Variants in RGS6 observed in about 807,000 individuals in gnomAD.
The protein encoded by RGS6 is regulator of G protein signaling 6, also known as regulator of G-protein signaling 6.
RGS6 carries 30 observed loss-of-function variants against 78.5 expected under a neutral mutation model. The observed-to-expected ratio is 0.38, with a 90% CI of 0.29 to 0.52. RGS6 has a LOEUF of 0.52. Ranked by LOEUF, RGS6 falls within the 20% of genes least tolerant of loss-of-function variation. The pLI, the probability that RGS6 is intolerant of heterozygous loss-of-function variation, is 0.85. For synonymous variants in RGS6, 206 were observed against 206.0 expected (o/e 1.00, Z 0.00); for missense variants, 495 against 609.7 (o/e 0.81, Z 1.98).
chr14:72,033,461 C>T (rs991768033), intron 2 of RGS6, among the ~76,000 whole-genome samples: 1 of 152,028 alleles, frequency 6.6e-6, no homozygotes, highest in African/African-American at 2.4e-5. Flanking sequence ...TCTGGAACTC[C>T]TGGGCTCAAG....
At position 72,345,508 on chromosome 14, in the gene RGS6, A is replaced by G. The variant is rs1472050609; in HGVS notation, c.85-6587A>G. ...ATTGAAATTGCAGCCTTTGAATGGG[A>G]TGATAAAAGAGGGTTGGAAAGAAGA... On this transcript the variant is annotated intron_variant, in intron 2 of 17. Transcript: ENST00000553525. 3.9e-5 allele frequency among the ~76,000 whole-genome samples: 6 copies of G among 152,166 alleles called. No individual in the cohort carries two copies. In the East Asian group the frequency reaches 9.6e-4, roughly 24 times the overall value.
At chr14:72,621,073 G>A in the RGS6 span, among the ~76,000 whole-genome samples, 1 of 151,796 alleles carries the variant, frequency 6.6e-6, no homozygotes, top group South Asian at 2.1e-4. Flanking sequence ...CCCGGGAGGT[G>A]GAGGTTGCAG....
the RGS6 span, among the ~76,000 whole-genome samples, chr14:71,911,086 T>C: frequency 6.6e-6 from 1 of 152,230 alleles, no homozygotes; most frequent in Admixed American, 6.5e-5. Flanking sequence ...TATTTATGTT[T>C]ACAGGGAAGT....
chr14:72,541,706 A>T (rs988314807), intron 17 of RGS6: 1 of 1,408,406 alleles, frequency 7.1e-7, no homozygotes, highest in African/African-American at 1.4e-5. Context: ...TTTGCTGACA[A>T]GCCAAGGGTG....
At chr14:72,430,664 CT>C (rs1457027507) in intron 3 of RGS6, among the ~76,000 whole-genome samples, 1 of 152,162 alleles carries the variant, frequency 6.6e-6, no homozygotes, top group Non-Finnish European at 1.5e-5. Flanking sequence ...CACCTGCAGG[CT>C]TTTGGGTTTT....
At chr14:72,494,617 CTATT>C (rs1223684326) in intron 12 of RGS6, among the ~76,000 whole-genome samples, 5 of 152,026 alleles carry the variant, frequency 3.3e-5, no homozygotes, top group African/African-American at 1.2e-4. Context: ...ATCAACATAT[CTATT>C]AGATCATAAT....
At chr14:71,967,013 G>GA (rs563391517) in intron 2 of RGS6, among the ~76,000 whole-genome samples, 1 of 150,564 alleles carries the variant, frequency 6.6e-6, no homozygotes, top group Non-Finnish European at 1.5e-5. Flanking sequence ...ATGTTTACAG[G>GA]AAAAAAAAAC....
chr14:72,227,045 A>G (rs1434920729), intron 2 of RGS6, among the ~76,000 whole-genome samples: 1 of 152,198 alleles, frequency 6.6e-6, no homozygotes, highest in African/African-American at 2.4e-5. Flanking sequence ...ACATTCATCT[A>G]CTTCTCTCCA....
intron 3 of RGS6, among the ~76,000 whole-genome samples, chr14:72,417,551 T>C (rs1025827754): frequency 2.0e-5 from 3 of 152,192 alleles, no homozygotes; most frequent in African/African-American, 7.2e-5. Context: ...TCTGGCACTC[T>C]CTATTGACAG....
At chr14:72,321,834 A>C (rs952545583) in intron 2 of RGS6, among the ~76,000 whole-genome samples, 2 of 152,000 alleles carry the variant, frequency 1.3e-5, no homozygotes. Context: ...ATATCAATCT[A>C]TCCCTGAAAA....
chr14:72,232,568 G>A (rs576527107), intron 2 of RGS6, among the ~76,000 whole-genome samples: 6 of 152,156 alleles, frequency 3.9e-5, no homozygotes, highest in Non-Finnish European at 8.8e-5. Flanking sequence ...CCATCCTTAT[G>A]TCACCTGGCA....
chr14:72,064,014 T>C (rs1263838176), intron 2 of RGS6, among the ~76,000 whole-genome samples: 1 of 152,012 alleles, frequency 6.6e-6, no homozygotes, highest in Admixed American at 6.6e-5. Flanking sequence ...TTTCTCTAGA[T>C]TGTGTCATTT....
At chr14:72,382,051 A>G (rs1428704641) in intron 3 of RGS6, among the ~76,000 whole-genome samples, 1 of 151,986 alleles carries the variant, frequency 6.6e-6, no homozygotes, top group Admixed American at 6.5e-5. Flanking sequence ...ATTCTTCTGC[A>G]TAGCTTTTTA....
intron 11 of RGS6, among the ~76,000 whole-genome samples, chr14:72,478,065 T>C (rs2096282002): frequency 6.6e-6 from 1 of 152,102 alleles, no homozygotes; most frequent in African/African-American, 2.4e-5. Context: ...AGACAAAGGC[T>C]AAATTGCAGA....
At chr14:72,289,578 C>A (rs2063213089) in intron 2 of RGS6, among the ~76,000 whole-genome samples, 1 of 152,128 alleles carries the variant, frequency 6.6e-6, no homozygotes, top group Non-Finnish European at 1.5e-5. Context: ...TATCATAGAA[C>A]CTCATGTTCA....
chr14:72,103,407 C>A (rs1369087506), intron 2 of RGS6, among the ~76,000 whole-genome samples: 2 of 152,182 alleles, frequency 1.3e-5, no homozygotes, highest in Non-Finnish European at 2.9e-5. Context: ...CAACTTAATA[C>A]CCTTTGTGCA....
chr14:72,336,622 G>T (rs1437266975), intron 2 of RGS6, among the ~76,000 whole-genome samples: 1 of 152,160 alleles, frequency 6.6e-6, no homozygotes, highest in Non-Finnish European at 1.5e-5. Flanking sequence ...TACATGTTAA[G>T]CAGAAAGAGT....
At chr14:72,444,034 G>T (rs765382276) in intron 3 of RGS6, among the ~76,000 whole-genome samples, 2 of 152,078 alleles carry the variant, frequency 1.3e-5, no homozygotes, top group African/African-American at 4.8e-5. Context: ...TGCCCTGGAC[G>T]CTTTTGATTG....
chr14:72,622,930 C>T, the RGS6 span, among the ~76,000 whole-genome samples: 4 of 152,172 alleles, frequency 2.6e-5, no homozygotes, highest in African/African-American at 9.7e-5. Context: ...AAGCCAAAGA[C>T]CAGCGTCAAC....
Sources: allele counts gnomAD v4.1 joint callset (sites outside exome capture counted in the v4.1 genomes callset), GRCh38; gene constraint gnomAD v4.1.1; transcripts MANE v1.5; gene names NCBI Gene and HGNC (gene_info 2026-07-23, HGNC 2026-07-21).